The following ZEB1 variants were observed in gnomAD, a reference collection of about 807,000 sequenced individuals.
The protein encoded by ZEB1 is zinc finger E-box binding homeobox 1.
ZEB1 carries 21 observed loss-of-function variants against 84.9 expected under a neutral mutation model. That is an observed-to-expected ratio of 0.25 (90% CI 0.18 to 0.36). The LOEUF is 0.36. ZEB1 is among the 10% of genes least tolerant of loss of function. The pLI is 1.00. For missense variants in ZEB1, 1,104 were observed against 1,330.2 expected, an observed-to-expected ratio of 0.83 and a Z score of 2.65; for synonymous variants, 420 against 471.1, an observed-to-expected ratio of 0.89 and a Z score of 1.41.
At chr10:31,417,122 C>T (rs1266362551) in intron 1 of ZEB1, among the ~76,000 whole-genome samples, 8 of 152,094 alleles carry the variant, frequency 5.3e-5, no homozygotes, top group Non-Finnish European at 1.0e-4. Context: ...GTATATTTTC[C>T]ATCCCCAGGC....
chr10:31,359,757 A>G (rs1412805564), intron 1 of ZEB1, among the ~76,000 whole-genome samples: 1 of 152,176 alleles, frequency 6.6e-6, no homozygotes, highest in African/African-American at 2.4e-5. Context: ...GCATCATTGG[A>G]CATTCAGTTA....
At chr10:31,417,931 A>C (rs1411799643) in intron 1 of ZEB1, among the ~76,000 whole-genome samples, 16 of 152,016 alleles carry the variant, frequency 1.1e-4, no homozygotes, top group Admixed American at 9.8e-4. Context: ...AGACATCCCT[A>C]ATATAGTATA....
chr10:31,319,245 G>T lies in ZEB1; in HGVS notation c.11G>T (p.Gly4Val). 1 of 1,609,974 alleles carries T rather than the reference G, an allele frequency of 6.2e-7. No homozygotes were observed. Among genetic ancestry groups the T allele is most frequent in the Non-Finnish European group, 8.5e-7 (1 of 1,178,690 alleles). ...ACAAGCGAGAGGATCATGGCGGATG[G>T]CCCCAGGTGTAAGCGCAGAAAGCAG... is the stretch of plus-strand genomic sequence containing the variant. Reference protein sequence around the residue: MADGPRCKRRKQAN... With the variant: MADVPRCKRRKQAN... The change falls in exon 1 of 9, where the codon GGC (glycine) becomes GTC (valine). Residue 4 changes from glycine to valine, a missense_variant. Gly to Val is a moderately radical substitution (Grantham distance 109). This residue lies in a region of ZEB1 where 162 missense variants were observed against 184.5 expected (regional missense o/e 0.88). Transcript: ENST00000424869.
chr10:31,321,667 C>CT, intron 1 of ZEB1: 1 of 1,265,602 alleles, frequency 7.9e-7, no homozygotes, highest in Non-Finnish European at 1.2e-6. Context: ...TGTGCAGCTG[C>CT]TGTAAACATG....
Position 31,449,629 on chromosome 10 carries a change from G to T in ZEB1, c.59-11408G>T, listed in dbSNP as rs541016584. On this transcript the variant is annotated intron_variant, in intron 1 of 8. Transcript: ENST00000424869. The stretch of plus-strand genomic sequence containing the variant: ...CTCCTATTTGTTTAGGGTCTATTTT[G>T]TATTATATTCAAGTCCATTGATTGC... Among the ~76,000 whole-genome samples the T allele has an allele frequency of 4.6e-5, 7 of 152,036 alleles. No homozygotes were observed. The East Asian group carries it at 9.7e-4, about 21-fold the overall frequency.
At position 31,466,638 on chromosome 10, in the gene ZEB1, A is replaced by G. The variant is rs533302115; in HGVS notation, c.259+5401A>G. 2.0e-5 allele frequency among the ~76,000 whole-genome samples: 3 copies of G among 152,326 alleles called. No homozygotes were observed. In the East Asian group the frequency reaches 5.8e-4, roughly 29 times the overall value. On this transcript the variant is annotated intron_variant, in intron 2 of 8. Transcript: ENST00000424869. ...CTAAAAGAGAATTTTATAGCAATAAATGCCTACATTAAGAATAAGGAATGA... is the reference window on the plus strand; with the variant it reads ...CTAAAAGAGAATTTTATAGCAATAAGTGCCTACATTAAGAATAAGGAATGA...
At position 31,486,706 on chromosome 10, in the gene ZEB1, AGTT is replaced by A. The variant is rs1322501208; in HGVS notation, c.260-9067_260-9065del. On this transcript the variant is annotated intron_variant, in intron 2 of 8. Coordinates refer to ENST00000424869, the MANE Select transcript of ZEB1 (RefSeq NM_001174096.2). ...TTATTAAATTTTGAGAGTTCTTTAGAGTTGTAGTAAAGACTACTGTAGCTTGTC... is the reference window on the plus strand; with the variant it reads ...TTATTAAATTTTGAGAGTTCTTTAGAGTAGTAAAGACTACTGTAGCTTGTC... 2.0e-5 allele frequency among the ~76,000 whole-genome samples: 3 copies of A among 151,384 alleles called. No homozygotes were observed. In the East Asian group the frequency reaches 5.9e-4, roughly 30 times the overall value.
intron 4 of ZEB1, among the ~76,000 whole-genome samples, chr10:31,507,645 C>T (rs1192914918): frequency 9.2e-5 from 14 of 151,866 alleles, no homozygotes; most frequent in African/African-American, 1.5e-4. Flanking sequence ...GTCTTTCATT[C>T]GGTGAATTCT....
rs137905132 is a variant in ZEB1 at position 31,450,873 on chromosome 10, C to CGTGT, written c.59-10150_59-10147dup. On this transcript the variant is annotated intron_variant, in intron 1 of 8. Transcript: ENST00000424869. ...ATTGCATATTTTATTTAGGACTGAG[C>CGTGT]GTGTGTGTGTGTGTGTGCGTGCGTG... 9.6e-3 allele frequency among the ~76,000 whole-genome samples: 1,436 copies of CGTGT among 149,542 alleles called. 29 individuals are homozygous for CGTGT. The highest frequency in any genetic ancestry group is 0.033 in the African/African-American group (1,366 of 41,050).
chr10:31,346,204 T>G (rs1333923654), intron 1 of ZEB1, among the ~76,000 whole-genome samples: 1 of 152,148 alleles, frequency 6.6e-6, no homozygotes, highest in African/African-American at 2.4e-5. Flanking sequence ...AGAAGAAAAA[T>G]TCTATGTCTT....
chr10:31,481,298 A>G (rs549469455), intron 2 of ZEB1, among the ~76,000 whole-genome samples: 1 of 152,176 alleles, frequency 6.6e-6, no homozygotes, highest in East Asian at 1.9e-4. Context: ...ATGTTAGTGT[A>G]CATACATATA....
intron 1 of ZEB1, among the ~76,000 whole-genome samples, chr10:31,340,155 T>C (rs2039070235): frequency 6.6e-6 from 1 of 152,196 alleles, no homozygotes. Context: ...TGTATTCATA[T>C]TAAATTTTTT....
intron 1 of ZEB1, among the ~76,000 whole-genome samples, chr10:31,442,567 TAA>T (rs61471490): frequency 7.0e-6 from 1 of 142,388 alleles, no homozygotes; most frequent in African/African-American, 2.5e-5. Context: ...ATAATAATAA[TAA>T]AAAAAAAAGA....
chr10:31,424,447 G>A (rs1168871489), intron 1 of ZEB1, among the ~76,000 whole-genome samples: 3 of 151,920 alleles, frequency 2.0e-5, no homozygotes, highest in Non-Finnish European at 4.4e-5. Flanking sequence ...TCTACATATA[G>A]TGCATACTTG....
chr10:31,449,415 A>T lies in ZEB1; in HGVS notation c.59-11622A>T, dbSNP rs140656651. Among the ~76,000 whole-genome samples, 1,012 of 152,242 alleles carry T rather than the reference A, an allele frequency of 6.6e-3. 15 individuals are homozygous for T. The highest frequency in any genetic ancestry group is 0.023 in the African/African-American group (958 of 41,538). ...GGAGCTGTAGACTGGAGCTGTTCCT[A>T]TTCGGCCATCTTGGCTCCTCTCTGC... is the stretch of plus-strand genomic sequence containing the variant. On this transcript the variant is annotated intron_variant, in intron 1 of 8. Transcript: ENST00000424869.
chr10:31,408,427 G>A (rs2053564886), intron 1 of ZEB1, among the ~76,000 whole-genome samples: 1 of 152,010 alleles, frequency 6.6e-6, no homozygotes, highest in South Asian at 2.1e-4. Flanking sequence ...AAAAGAGCCT[G>A]CATCGCCAAG....
At chr10:31,430,898 TTTAC>T (rs1376644016) in intron 1 of ZEB1, among the ~76,000 whole-genome samples, 1 of 152,252 alleles carries the variant, frequency 6.6e-6, no homozygotes, top group African/African-American at 2.4e-5. Flanking sequence ...AGCAGTTATT[TTTAC>T]TTACTTTCAT....
At chr10:31,390,640 G>T (rs1304104137) in intron 1 of ZEB1, among the ~76,000 whole-genome samples, 1 of 152,108 alleles carries the variant, frequency 6.6e-6, no homozygotes, top group Non-Finnish European at 1.5e-5. Context: ...CCATTTCAAG[G>T]TATTTTCCTA....
chr10:31,464,474 G>A (rs891987997), intron 2 of ZEB1, among the ~76,000 whole-genome samples: 5 of 152,120 alleles, frequency 3.3e-5, no homozygotes, highest in African/African-American at 1.2e-4. Flanking sequence ...TAATGGCTGA[G>A]GTTTTTATTT....
Sources: allele counts gnomAD v4.1 joint callset (sites outside exome capture counted in the v4.1 genomes callset), GRCh38; gene constraint gnomAD v4.1.1; regional missense constraint gnomAD v4.1.1; transcripts MANE v1.5; gene names NCBI Gene and HGNC (gene_info 2026-07-23, HGNC 2026-07-21).